The following SAYSD1 variants were observed in gnomAD, a reference collection of about 807,000 sequenced individuals.
SAYSD1 encodes SAYSvFN domain-containing protein 1.
Under a neutral mutation model 14.5 loss-of-function variants are expected in SAYSD1, and 15 were observed. That is an observed-to-expected ratio of 1.03 (90% confidence interval 0.69 to 1.59). SAYSD1 has a LOEUF of 1.59. SAYSD1 is among the 40% of genes most tolerant of loss of function. SAYSD1 has a pLI of 0.00. For synonymous variants in SAYSD1, 105 were observed against 102.6 expected, an observed-to-expected ratio of 1.02 and a Z score of -0.14; for missense variants, 247 against 227.3, an observed-to-expected ratio of 1.09 and a Z score of -0.56.
chr6:39,110,622 CT>C (rs1769607175), intron 1 of SAYSD1: 1 of 152,234 alleles, frequency 6.6e-6, no homozygotes, highest in African/African-American at 2.4e-5. Context: ...AACAAGGATA[CT>C]GAAGTGCTGA....
chr6:39,109,516 T>A, intron 1 of SAYSD1: 1 of 1,462,758 alleles, frequency 6.8e-7, no homozygotes, highest in Non-Finnish European at 9.0e-7. Context: ...TTGGCCCAAA[T>A]GGAGGCCGCA....
Position 39,115,136 on chromosome 6 carries a change from A to T in SAYSD1, c.-47T>A. 1 of 1,550,488 alleles carries T rather than the reference A, an allele frequency of 6.4e-7. No individual in the cohort carries two copies. Among genetic ancestry groups the T allele is most frequent in the South Asian group, 1.2e-5 (1 of 85,988 alleles). On this transcript the variant is annotated 5_prime_UTR_variant, in exon 1 of 2. Coordinates refer to ENST00000229903, the MANE Select transcript of SAYSD1 (RefSeq NM_018322.3). ...GGCCGATAAGGGAGCGCGCGCCCGC[A>T]GGCCGCACAGCAGTTGCCTCCGCTC...
At chr6:39,112,671 G>A (rs1769650529) in intron 1 of SAYSD1, 1 of 152,238 alleles carries the variant, frequency 6.6e-6, no homozygotes, top group South Asian at 2.1e-4. Flanking sequence ...CCTTTGGAAA[G>A]TGGGACTACG....
At position 39,105,600 on chromosome 6, in the gene SAYSD1, C is replaced by T. The variant is rs751084796; in HGVS notation, c.384G>A (p.Leu128=). The T allele has an allele frequency of 1.9e-6, 3 of 1,614,138 alleles. No homozygotes were observed. Among genetic ancestry groups the T allele is most frequent in the Non-Finnish European group, 2.5e-6 (3 of 1,180,000 alleles). ...CGACGTACATCCAATAGAACAAGGACAGGACAAAATATGCCAGGCCAAATT... is the reference window on the plus strand; with the variant it reads ...CGACGTACATCCAATAGAACAAGGATAGGACAAAATATGCCAGGCCAAATT... ...ELEFGLAYFV[L]SLFYWMYVGT... is the part of the protein sequence containing the mutation. Residue 128 remains leucine, a synonymous_variant, in exon 2 of 2, where the codon CTG becomes CTA. Coordinates refer to ENST00000229903, the MANE Select transcript of SAYSD1 (RefSeq NM_018322.3).
intron 1 of SAYSD1, among the ~76,000 whole-genome samples, 171 bp from the exon 2 acceptor site, chr6:39,105,947 A>C (rs1583665533): frequency 6.6e-6 from 1 of 152,300 alleles, no homozygotes; most frequent in East Asian, 1.9e-4. Context: ...TATGTGCTCT[A>C]CTCCAACTGA....
At chr6:39,112,908 G>A (rs900350144) in intron 1 of SAYSD1, 1 of 154,820 alleles carries the variant, frequency 6.5e-6, no homozygotes, top group African/African-American at 2.4e-5. Context: ...AGAAGGAGAA[G>A]TAAGTATCAA....
chr6:39,114,146 G>A (rs975506072), intron 1 of SAYSD1, among the ~76,000 whole-genome samples: 7 of 152,194 alleles, frequency 4.6e-5, no homozygotes, highest in Non-Finnish European at 8.8e-5. Context: ...GATATGTTTT[G>A]TCTTGTATTT....
chr6:39,112,452 C>G (rs564779639), intron 1 of SAYSD1: 20 of 154,240 alleles, frequency 1.3e-4, no homozygotes, highest in African/African-American at 4.8e-4. Context: ...CTAGAACTTG[C>G]TTTACAGAGA....
rs748516328 is a variant in SAYSD1 at position 39,105,665 on chromosome 6, G to A, written c.319C>T (p.Leu107Phe). ...FLTNITFLKV[L>F]LWLVLLGLFV... ...AGTCCCAGCAGGACCAACCAGAGAA[G>A]AACCTTCAAGAAGGTGATATTGGTC... Residue 107 changes from leucine (L) to phenylalanine (F), a missense_variant, in exon 2 of 2, where the codon CTT becomes TTT. Transcript: ENST00000229903. 1 of 1,614,180 alleles carries A rather than the reference G, an allele frequency of 6.2e-7. No homozygotes were observed. Among genetic ancestry groups the A allele is most frequent in the Admixed American group, 1.7e-5 (1 of 60,012 alleles).
chr6:39,114,768 G>A (rs920464942), intron 1 of SAYSD1, 115 bp downstream of exon 1: 10 of 993,858 alleles, frequency 1.0e-5, no homozygotes, highest in Admixed American at 4.0e-5. Flanking sequence ...CGATCAGGAT[G>A]GGGGGCCAGT....
In SAYSD1 at chr6:39,105,406, T is replaced by C. The variant is rs756360043; in HGVS notation, c.*26A>G. On this transcript the variant is annotated 3_prime_UTR_variant, in exon 2 of 2. Coordinates refer to ENST00000229903, the MANE Select transcript of SAYSD1 (RefSeq NM_018322.3). ...TGGTGAGGAAGACCACATCAGAGGT[T>C]AGCTGCATGACAGCACAGCTGGGTC... The C allele has an allele frequency of 7.5e-6, 12 of 1,597,266 alleles. No homozygotes were observed. In the African/African-American group the frequency reaches 1.5e-4, roughly 20 times the overall value.
intron 1 of SAYSD1, chr6:39,113,320 A>T (rs1037351397): frequency 5.2e-5 from 8 of 152,632 alleles, no homozygotes; most frequent in East Asian, 1.9e-4. Context: ...AAAATAATTT[A>T]AAAAAATAGA....
rs1364044172 is a variant in SAYSD1 at position 39,105,632 on chromosome 6, C to T, written c.352G>A (p.Glu118Lys). 6.2e-6 allele frequency: 10 copies of T among 1,614,006 alleles called. No homozygotes were observed. Among genetic ancestry groups the T allele is most frequent in the Non-Finnish European group, 8.5e-6 (10 of 1,180,026 alleles). Residue 118 changes from glutamate to lysine, a missense_variant, in exon 2 of 2, where the codon GAA becomes AAA. Glu to Lys is a moderately conservative substitution (Grantham distance 56, BLOSUM62 1). Transcript: ENST00000229903. ...LWLVLLGLFV[E>K]LEFGLAYFVL... ...AAATATGCCAGGCCAAATTCCAGTT[C>T]CACAAACAGTCCCAGCAGGACCAAC...
intron 1 of SAYSD1, chr6:39,110,391 G>A (rs2113738890): frequency 4.9e-6 from 1 of 202,914 alleles, no homozygotes; most frequent in East Asian, 1.1e-4. Context: ...CAGGTGAACT[G>A]AAAGTGCCAG....
At chr6:39,112,897 CAGA>C (rs1362858444) in intron 1 of SAYSD1, 1 of 154,648 alleles carries the variant, frequency 6.5e-6, no homozygotes, top group Non-Finnish European at 1.5e-5. Context: ...AAAGAGAAAG[CAGA>C]AGGAGAAGTA....
intron 1 of SAYSD1, among the ~76,000 whole-genome samples, chr6:39,106,631 A>C (rs1282137180): frequency 1.3e-5 from 2 of 152,170 alleles, no homozygotes; most frequent in Admixed American, 6.5e-5. Flanking sequence ...GGCCCAGCCA[A>C]TGTCTCCTAA....
intron 1 of SAYSD1, chr6:39,111,856 C>A (rs562444226): frequency 6.6e-6 from 1 of 152,050 alleles, no homozygotes; most frequent in African/African-American, 2.4e-5. Flanking sequence ...ACACAAGAAA[C>A]GAAGTCACAG....
intron 1 of SAYSD1, chr6:39,109,618 C>T: frequency 7.8e-7 from 1 of 1,287,710 alleles, no homozygotes; most frequent in Non-Finnish European, 9.9e-7. Flanking sequence ...TTGATCCCTT[C>T]ATCTGTAGAT....
rs761530084 is a variant in SAYSD1 at position 39,105,402 on chromosome 6, AG to A, written c.*29del. On this transcript the variant is annotated 3_prime_UTR_variant, in exon 2 of 2. Transcript: ENST00000229903. ...CCAATGGTGAGGAAGACCACATCAG[AG>A]GTTAGCTGCATGACAGCACAGCTGG... 4 of 1,587,912 alleles carry A rather than the reference AG, an allele frequency of 2.5e-6. No individual in the cohort carries two copies. In the African/African-American group the frequency reaches 5.4e-5, roughly 21 times the overall value.
Sources: gnomAD v4.1 joint callset for allele counts (sites outside exome capture counted in the v4.1 genomes callset) on GRCh38, gnomAD v4.1.1 for gene constraint, MANE v1.5 for transcripts, NCBI Gene and HGNC (gene_info 2026-07-23, HGNC 2026-07-21) for gene names.